Variants in SPAG16 observed in about 807,000 individuals in gnomAD.
SPAG16 encodes sperm associated antigen 16.
Under a neutral mutation model 80.4 loss-of-function variants are expected in SPAG16, and 86 were observed. That is an observed-to-expected ratio of 1.07 (90% CI 0.90 to 1.28). SPAG16 has a LOEUF of 1.28. Ranked by LOEUF, SPAG16 falls within the 50% of genes most tolerant of loss-of-function variation. SPAG16 has a pLI of 0.00. For synonymous variants in SPAG16, 294 were observed against 265.9 expected (o/e 1.11, Z -1.03); for missense variants, 870 against 765.3 (o/e 1.14, Z -1.61).
chr2:213,972,736 T>TTAATTTGC (rs1255172329), intron 12 of SPAG16, among the ~76,000 whole-genome samples: 2 of 152,276 alleles, frequency 1.3e-5, no homozygotes, highest in Non-Finnish European at 2.9e-5. Context: ...TTATTTACTT[T>TTAATTTGC]TAATTTGCTT....
chr2:213,357,999 T>G (rs1051865379), intron 7 of SPAG16, among the ~76,000 whole-genome samples: 27 of 152,296 alleles, frequency 1.8e-4, no homozygotes, highest in African/African-American at 6.0e-4. Context: ...AGGATTTTAT[T>G]TCTCCTTCAC....
At chr2:213,770,767 A>T (rs1411249460) in intron 10 of SPAG16, among the ~76,000 whole-genome samples, 1 of 152,060 alleles carries the variant, frequency 6.6e-6, no homozygotes, top group Non-Finnish European at 1.5e-5. Context: ...TTCAAGCTCC[A>T]TCCATGTCCC....
intron 9 of SPAG16, among the ~76,000 whole-genome samples, chr2:213,421,088 C>A (rs531560569): frequency 3.3e-5 from 5 of 152,250 alleles, no homozygotes; most frequent in African/African-American, 1.2e-4. Context: ...GCAGGAGCCC[C>A]ATGCTCTGGG....
intron 8 of SPAG16, among the ~76,000 whole-genome samples, chr2:213,373,435 A>G (rs192497079): frequency 6.6e-6 from 1 of 152,156 alleles, no homozygotes; most frequent in East Asian, 1.9e-4. Context: ...TTGGTTTTAA[A>G]TGTTGAATAC....
chr2:213,312,482 T>G (rs1287787445), intron 4 of SPAG16, among the ~76,000 whole-genome samples: 1 of 151,694 alleles, frequency 6.6e-6, no homozygotes, highest in Non-Finnish European at 1.5e-5. Flanking sequence ...CTACTCACCC[T>G]AAAGATACAT....
intron 10 of SPAG16, among the ~76,000 whole-genome samples, chr2:213,742,431 A>G (rs562956161): frequency 6.6e-6 from 1 of 152,152 alleles, no homozygotes; most frequent in African/African-American, 2.4e-5. Context: ...GTTCTGTTCA[A>G]TTACTAGTTT....
intron 10 of SPAG16, among the ~76,000 whole-genome samples, chr2:213,566,820 T>C (rs978480396): frequency 6.6e-6 from 1 of 152,228 alleles, no homozygotes; most frequent in Non-Finnish European, 1.5e-5. Flanking sequence ...TTTCCTGATT[T>C]AGTTGCCAGA....
At chr2:214,191,329 T>C (rs2057655837) in intron 15 of SPAG16, among the ~76,000 whole-genome samples, 1 of 152,160 alleles carries the variant, frequency 6.6e-6, no homozygotes. Context: ...GCCCCTTCGT[T>C]GGTATACCAA....
intron 15 of SPAG16, among the ~76,000 whole-genome samples, chr2:214,227,221 A>G (rs1428073732): frequency 6.6e-6 from 1 of 152,086 alleles, no homozygotes; most frequent in Non-Finnish European, 1.5e-5. Flanking sequence ...TGGAAATTTT[A>G]GAGATTCCAC....
chr2:213,402,642 G>T (rs1312855890), intron 9 of SPAG16, among the ~76,000 whole-genome samples: 1 of 149,482 alleles, frequency 6.7e-6, no homozygotes, highest in Non-Finnish European at 1.5e-5. Flanking sequence ...TGTTCTCATT[G>T]TTCAATTCCC....
chr2:213,824,671 T>C (rs2073161349), intron 10 of SPAG16, among the ~76,000 whole-genome samples: 1 of 152,170 alleles, frequency 6.6e-6, no homozygotes, highest in Non-Finnish European at 1.5e-5. Context: ...AGTCAGGTAA[T>C]GTGATTCCTC....
intron 10 of SPAG16, among the ~76,000 whole-genome samples, chr2:213,735,264 C>G (rs1031363621): frequency 6.6e-6 from 1 of 152,094 alleles, no homozygotes; most frequent in Non-Finnish European, 1.5e-5. Context: ...AACTCTTTAC[C>G]AGATTTGTGA....
chr2:213,903,975 C>A (rs909900262), intron 11 of SPAG16, among the ~76,000 whole-genome samples: 6 of 152,138 alleles, frequency 3.9e-5, no homozygotes, highest in Non-Finnish European at 8.8e-5. Flanking sequence ...ACCTTTGTTC[C>A]AGTTCCCCAC....
At chr2:213,674,238 G>A (rs1193570458) in intron 10 of SPAG16, among the ~76,000 whole-genome samples, 1 of 151,994 alleles carries the variant, frequency 6.6e-6, no homozygotes, top group Non-Finnish European at 1.5e-5. Context: ...TTTACAGTTT[G>A]TAATTTCATC....
intron 8 of SPAG16, among the ~76,000 whole-genome samples, chr2:213,368,530 C>A (rs1230277450): frequency 6.6e-6 from 1 of 152,190 alleles, no homozygotes; most frequent in Non-Finnish European, 1.5e-5. Flanking sequence ...TCTCTCACCA[C>A]TCCTATTCAA....
At chr2:213,443,931 C>T (rs1253764735) in intron 9 of SPAG16, among the ~76,000 whole-genome samples, 2 of 152,016 alleles carry the variant, frequency 1.3e-5, no homozygotes, top group African/African-American at 4.8e-5. Flanking sequence ...TGTTTATCTG[C>T]CTTTTTCTAT....
At chr2:213,636,126 A>G (rs750848641) in intron 10 of SPAG16, among the ~76,000 whole-genome samples, 1 of 152,082 alleles carries the variant, frequency 6.6e-6, no homozygotes, top group South Asian at 2.1e-4. Context: ...GATTTTTTGT[A>G]TAAGGTGAGA....
At chr2:213,885,637 T>A (rs2076527056) in intron 11 of SPAG16, among the ~76,000 whole-genome samples, 1 of 152,184 alleles carries the variant, frequency 6.6e-6, no homozygotes, top group Non-Finnish European at 1.5e-5. Flanking sequence ...AGCCATGAGG[T>A]CTTTGTGTGA....
chr2:214,054,457 A>G (rs1389686052), intron 13 of SPAG16, among the ~76,000 whole-genome samples: 2 of 152,208 alleles, frequency 1.3e-5, no homozygotes, highest in African/African-American at 4.8e-5. Context: ...TTTTTTATAG[A>G]GCAGTAAAGA....
Sources: gnomAD v4.1 joint callset for allele counts (sites outside exome capture counted in the v4.1 genomes callset) on GRCh38, gnomAD v4.1.1 for gene constraint, MANE v1.5 for transcripts, NCBI Gene and HGNC (gene_info 2026-07-23, HGNC 2026-07-21) for gene names.